Variants in ADARB2 observed in about 807,000 individuals in gnomAD.
ADARB2 encodes the protein inactive double-stranded RNA-specific editase B2.
In ADARB2, 25 loss-of-function variants were observed where a neutral mutation model predicts 62.2. That is an observed-to-expected ratio of 0.40 (90% CI 0.29 to 0.56). ADARB2 has a LOEUF of 0.56. Ranked by LOEUF, ADARB2 falls within the 20% of genes least tolerant of loss-of-function variation. The pLI, the probability that ADARB2 is intolerant of heterozygous loss-of-function variation, is 0.43. For synonymous variants in ADARB2, 572 were observed against 500.8 expected (o/e 1.14, Z -1.90); for missense variants, 1,071 against 1,077.4 (o/e 0.99, Z 0.08).
intron 1 of ADARB2, among the ~76,000 whole-genome samples, chr10:1,613,502 G>A (rs900484000): frequency 6.6e-6 from 1 of 152,174 alleles, no homozygotes; most frequent in African/African-American, 2.4e-5. Context: ...GGGTAACTGT[G>A]CAGAGTTTCC....
rs1025677862 is a variant in ADARB2 at position 1,477,511 on chromosome 10, T to G, written c.101-98351A>C. Among the ~76,000 whole-genome samples the G allele has an allele frequency of 6.6e-6, 1 of 152,162 alleles. No homozygotes were observed. The highest frequency in any genetic ancestry group is 2.4e-5 in the African/African-American group (1 of 41,436). On this transcript the variant is annotated intron_variant, in intron 1 of 9. Coordinates refer to ENST00000381312, the MANE Select transcript of ADARB2 (RefSeq NM_018702.4). This position sits in a 1 kb window ranked among gnomAD's most constrained non-coding sequence, Gnocchi z 4.5. ...CAACGTATCTTCGTGCTTTCTCTAA[T>G]AAATCTGCCTTCTTTACCCACGACT...
chr10:1,479,526 C>T (rs746241392), intron 1 of ADARB2, among the ~76,000 whole-genome samples: 16 of 152,106 alleles, frequency 1.1e-4, no homozygotes, highest in Non-Finnish European at 2.1e-4. Flanking sequence ...AAACCTGTTT[C>T]TGAGAGGAAC....
intron 1 of ADARB2, among the ~76,000 whole-genome samples, chr10:1,676,532 C>T (rs1255859168): frequency 6.6e-6 from 1 of 152,182 alleles, no homozygotes; most frequent in African/African-American, 2.4e-5. Context: ...TTTCCCCCTT[C>T]ATTTTTATTT....
In ADARB2 at chr10:1,255,391, C is replaced by T. The variant is rs565900485; in HGVS notation, c.1193-13092G>A. Among the ~76,000 whole-genome samples the T allele has an allele frequency of 1.2e-4, 19 of 152,340 alleles. No individual in the cohort carries two copies. In the South Asian group the frequency reaches 2.5e-3, roughly 20 times the overall value. On this transcript the variant is annotated intron_variant, in intron 4 of 9. Transcript: ENST00000381312. The surrounding 1 kb of genome is among the most constrained non-coding windows in gnomAD (Gnocchi z 4.7). ...GCCTTCTGTGCCAGGCACATGTGAG[C>T]GCTGGGTCTACACACTAATCAAACA... is the stretch of plus-strand genomic sequence containing the variant.
At chr10:1,590,892 C>G (rs981371027) in intron 1 of ADARB2, among the ~76,000 whole-genome samples, 22 of 152,242 alleles carry the variant, frequency 1.4e-4, no homozygotes, top group African/African-American at 5.3e-4. Flanking sequence ...GAGAGAGTCT[C>G]CAGGGTGCTC....
intron 1 of ADARB2, among the ~76,000 whole-genome samples, chr10:1,428,822 T>TACAC (rs138504165): frequency 1.3e-5 from 2 of 149,652 alleles, no homozygotes; most frequent in Non-Finnish European, 3.0e-5. Flanking sequence ...CACATGCACT[T>TACAC]ACACACACAC....
intron 1 of ADARB2, among the ~76,000 whole-genome samples, chr10:1,574,411 C>G (rs60292559): frequency 0.26 from 39,584 of 152,064 alleles, 5,537 homozygotes; most frequent in Non-Finnish European, 0.33. Context: ...CGACGGGAGC[C>G]AGAGGACGGG....
chr10:1,295,175 C>T (rs949299088), intron 3 of ADARB2, among the ~76,000 whole-genome samples: 1 of 152,068 alleles, frequency 6.6e-6, no homozygotes. Flanking sequence ...GTGCAGAGCT[C>T]GACATATGAC....
At chr10:1,425,575 C>T (rs774453385) in intron 1 of ADARB2, among the ~76,000 whole-genome samples, 16 of 152,216 alleles carry the variant, frequency 1.1e-4, no homozygotes, top group South Asian at 4.1e-4. Flanking sequence ...TGGAGCACCG[C>T]GGTGTGGGAG....
chr10:1,654,030 G>T (rs567669063), intron 1 of ADARB2, among the ~76,000 whole-genome samples: 1 of 152,128 alleles, frequency 6.6e-6, no homozygotes, highest in South Asian at 2.1e-4. Flanking sequence ...GCTCTGTGGA[G>T]GTAGAGGAGC....
intron 1 of ADARB2, among the ~76,000 whole-genome samples, chr10:1,735,649 A>G (rs1316800756): frequency 6.6e-6 from 1 of 152,206 alleles, no homozygotes; most frequent in Admixed American, 6.5e-5. Flanking sequence ...CTGTTTCAAA[A>G]TGATAATTTC....
chr10:1,229,684 T>TTGTCTGTGCACATGTGCA (rs1830781875), intron 6 of ADARB2, among the ~76,000 whole-genome samples: 1 of 21,490 alleles, frequency 4.7e-5, no homozygotes. Flanking sequence ...ATGTATGTGT[T>TTGTCTGTGCACATGTGCA]TGTGTGTGCA....
At chr10:1,186,378 G>T (rs535518396) in intron 8 of ADARB2, 1 of 445,298 alleles carries the variant, frequency 2.2e-6, no homozygotes, top group African/African-American at 2.0e-5. Context: ...ACAGTGAGTC[G>T]GCAGGGAGTC....
chr10:1,678,040 G>C, intron 1 of ADARB2: 1 of 426,010 alleles, frequency 2.3e-6, no homozygotes, highest in Middle Eastern at 1.2e-3. Context: ...GAGACACCAA[G>C]GGAACAAACT....
intron 1 of ADARB2, among the ~76,000 whole-genome samples, chr10:1,416,168 A>G (rs370301764): frequency 9.2e-5 from 14 of 152,382 alleles, no homozygotes; most frequent in Admixed American, 6.5e-4. Context: ...TCTGTGAATC[A>G]CATGAACATA....
chr10:1,298,303 G>A (rs1448444917), intron 3 of ADARB2, among the ~76,000 whole-genome samples: 5 of 152,154 alleles, frequency 3.3e-5, no homozygotes, highest in African/African-American at 7.2e-5. Context: ...GAAAACAGCC[G>A]GCTATGTTTT....
At chr10:1,595,820 CAG>C (rs1414883760) in intron 1 of ADARB2, among the ~76,000 whole-genome samples, 1 of 152,252 alleles carries the variant, frequency 6.6e-6, no homozygotes, top group East Asian at 1.9e-4. Context: ...CCACAGAGAT[CAG>C]AGCAGCCCTA....
chr10:1,407,906 G>C (rs1832720600), intron 1 of ADARB2, among the ~76,000 whole-genome samples: 1 of 152,208 alleles, frequency 6.6e-6, no homozygotes, highest in Non-Finnish European at 1.5e-5. Context: ...AAGTGAGGAG[G>C]CTGGAGGCCA....
chr10:1,686,886 GCTAA>G (rs142912581), intron 1 of ADARB2, among the ~76,000 whole-genome samples: 15,949 of 152,130 alleles, frequency 0.1, 1,101 homozygotes, highest in Non-Finnish European at 0.15. Flanking sequence ...GAAAGTTTCA[GCTAA>G]CTAATTGTGA....
Sources: gnomAD v4.1 joint callset for allele counts (sites outside exome capture counted in the v4.1 genomes callset) on GRCh38, gnomAD v4.1.1 for gene constraint, Gnocchi (gnomAD v3.1) non-coding constraint, MANE v1.5 for transcripts, NCBI Gene and HGNC (gene_info 2026-07-23, HGNC 2026-07-21) for gene names.